Variants in NRXN3 observed in about 807,000 individuals in gnomAD.
NRXN3 encodes neurexin 3, also known as neurexin III.
Under a neutral mutation model 137.6 loss-of-function variants are expected in NRXN3, and 32 were observed. That is an observed-to-expected ratio of 0.23 (90% CI 0.18 to 0.31). NRXN3 has a LOEUF of 0.31. NRXN3 is among the 10% of genes least tolerant of loss of function. NRXN3 has a pLI of 1.00. For synonymous variants in NRXN3, 798 were observed against 784.5 expected (o/e 1.02, Z -0.29); for missense variants, 1,574 against 2,062.5 (o/e 0.76, Z 4.59).
Position 79,178,944 on chromosome 14 carries a change from G to A in NRXN3, c.3262+190803G>A, listed in dbSNP as rs534149875. On this transcript the variant is annotated intron_variant, in intron 15 of 20. Coordinates refer to ENST00000335750, the MANE Select transcript of NRXN3 (RefSeq NM_001330195.2). ...ACCACTCAGCATTTTCCTTGGTGAA[G>A]GACCCTTCCAATACAAGTCTTCTGG... Among the ~76,000 whole-genome samples the A allele has an allele frequency of 7.2e-5, 11 of 152,262 alleles. No individual in the cohort carries two copies. In the South Asian group the frequency reaches 2.3e-3, roughly 32 times the overall value.
At chr14:79,611,220 T>C (rs2098094841) in intron 16 of NRXN3, among the ~76,000 whole-genome samples, 3 of 152,356 alleles carry the variant, frequency 2.0e-5, no homozygotes, top group African/African-American at 7.2e-5. Flanking sequence ...TAAAATATTA[T>C]AGAAAATGCT....
intron 15 of NRXN3, among the ~76,000 whole-genome samples, chr14:79,341,606 GAGCCA>G (rs2092615455): frequency 6.6e-6 from 1 of 152,186 alleles, no homozygotes; most frequent in South Asian, 2.1e-4. Flanking sequence ...AACTTAAACT[GAGCCA>G]AGATCTAAAA....
chr14:78,431,582 G>A (rs1293638609), intron 4 of NRXN3, among the ~76,000 whole-genome samples: 1 of 152,088 alleles, frequency 6.6e-6, no homozygotes, highest in Non-Finnish European at 1.5e-5. Context: ...AAGACAAAGG[G>A]GAGGGAAAGT....
intron 15 of NRXN3, among the ~76,000 whole-genome samples, chr14:79,228,625 G>A (rs117116987): frequency 0.035 from 5,251 of 152,164 alleles, 148 homozygotes; most frequent in Non-Finnish European, 0.052. Context: ...TTCTTTCTCC[G>A]TATATATGGA....
chr14:78,561,627 G>A (rs2096786878), intron 4 of NRXN3, among the ~76,000 whole-genome samples: 1 of 152,164 alleles, frequency 6.6e-6, no homozygotes, highest in Non-Finnish European at 1.5e-5. Context: ...GTATAGGAAA[G>A]CATATACTTC....
intron 4 of NRXN3, among the ~76,000 whole-genome samples, chr14:78,412,334 C>T (rs190115725): frequency 1.3e-5 from 2 of 152,210 alleles, no homozygotes; most frequent in East Asian, 1.9e-4. Context: ...GCCTGGGTCC[C>T]GAGCATCCCA....
In NRXN3 at chr14:78,906,299, C is replaced by T. The variant is rs910362039; in HGVS notation, c.2276-50943C>T. ...TCCAGAATTTTTCTTTACACTGTGCCCTGCACTCCAACTAGACTGAATGAA... is the reference window on the plus strand; with the variant it reads ...TCCAGAATTTTTCTTTACACTGTGCTCTGCACTCCAACTAGACTGAATGAA... On this transcript the variant is annotated intron_variant, in intron 10 of 20. Coordinates refer to ENST00000335750, the MANE Select transcript of NRXN3 (RefSeq NM_001330195.2). 1.4e-4 allele frequency among the ~76,000 whole-genome samples: 21 copies of T among 151,944 alleles called. 1 individual carries two copies. The highest frequency in any genetic ancestry group is 4.8e-4 in the African/African-American group (20 of 41,362).
At chr14:78,463,360 A>ATGAG (rs56309936) in intron 4 of NRXN3, among the ~76,000 whole-genome samples, 80,347 of 150,844 alleles carry the variant, frequency 0.53, 21,615 homozygotes, top group Middle Eastern at 0.7. Context: ...CAATAAACAT[A>ATGAG]TGAGTGCCAG....
intron 8 of NRXN3, among the ~76,000 whole-genome samples, chr14:78,777,923 G>A (rs1200611981): frequency 1.3e-5 from 2 of 151,858 alleles, no homozygotes; most frequent in East Asian, 1.9e-4. Context: ...CCACCACTCC[G>A]GACTAATTTT....
At chr14:78,229,157 A>G (rs1031322256) in intron 1 of NRXN3, among the ~76,000 whole-genome samples, 2 of 152,148 alleles carry the variant, frequency 1.3e-5, no homozygotes, top group Non-Finnish European at 2.9e-5. Flanking sequence ...GTAGAGTTTC[A>G]CACTATAAAA....
At chr14:79,787,505 G>C (rs117594060) in intron 19 of NRXN3, among the ~76,000 whole-genome samples, 92 of 152,260 alleles carry the variant, frequency 6.0e-4, no homozygotes, top group Non-Finnish European at 1.1e-3. Context: ...TACTTCTCCT[G>C]TCTGAAACTT....
chr14:78,879,185 C>T (rs566127136), intron 10 of NRXN3, among the ~76,000 whole-genome samples: 2 of 152,286 alleles, frequency 1.3e-5, no homozygotes, highest in African/African-American at 4.8e-5. Flanking sequence ...CTGCAGATAT[C>T]TCTTTGTCAT....
chr14:78,313,209 TC>T (rs1457026480), intron 4 of NRXN3, among the ~76,000 whole-genome samples: 3 of 152,216 alleles, frequency 2.0e-5, no homozygotes, highest in African/African-American at 7.2e-5. Flanking sequence ...AGGCTTACTG[TC>T]TCTCTTGCAT....
chr14:79,541,096 C>T (rs1289595920), intron 16 of NRXN3, among the ~76,000 whole-genome samples: 1 of 152,104 alleles, frequency 6.6e-6, no homozygotes. Context: ...CCTTTTCTGC[C>T]TGTATCTTCT....
At chr14:79,839,933 T>C (rs2099352309) in intron 20 of NRXN3, among the ~76,000 whole-genome samples, 1 of 152,210 alleles carries the variant, frequency 6.6e-6, no homozygotes, top group Admixed American at 6.5e-5. Flanking sequence ...GATGTATCAG[T>C]AAGATGATAA....
chr14:78,766,258 G>A (rs2098708764), intron 8 of NRXN3, among the ~76,000 whole-genome samples: 1 of 152,176 alleles, frequency 6.6e-6, no homozygotes, highest in Non-Finnish European at 1.5e-5. Context: ...ACTAGCAGTG[G>A]GAAGGGAGAA....
At chr14:79,247,631 T>G (rs1394993947) in intron 15 of NRXN3, among the ~76,000 whole-genome samples, 2 of 152,162 alleles carry the variant, frequency 1.3e-5, no homozygotes, top group Non-Finnish European at 1.5e-5. Flanking sequence ...TATTTTAAAA[T>G]GGAAACAGCC....
At chr14:79,724,184 C>T (rs1603450256) in intron 19 of NRXN3, among the ~76,000 whole-genome samples, 1 of 152,128 alleles carries the variant, frequency 6.6e-6, no homozygotes, top group East Asian at 1.9e-4. Context: ...TACGCCGGCA[C>T]ACAAGTGTGA....
chr14:79,402,705 GGATTGT>G (rs2095234753), intron 15 of NRXN3, among the ~76,000 whole-genome samples: 1 of 152,046 alleles, frequency 6.6e-6, no homozygotes, highest in Non-Finnish European at 1.5e-5. Flanking sequence ...CAAACTAAAG[GGATTGT>G]CGGGATGGGC....
Sources: allele counts gnomAD v4.1 joint callset (sites outside exome capture counted in the v4.1 genomes callset), GRCh38; gene constraint gnomAD v4.1.1; transcripts MANE v1.5; gene names NCBI Gene and HGNC (gene_info 2026-07-23, HGNC 2026-07-21).